PRKCZ: variants seen among roughly 807,000 people sequenced by gnomAD.
PRKCZ encodes protein kinase C zeta type.
A neutral mutation model predicts 79.5 loss-of-function variants in PRKCZ; 33 were observed. The observed-to-expected ratio is 0.41, with a 90% CI of 0.31 to 0.55. The LOEUF (loss-of-function observed/expected upper bound fraction) is 0.55. PRKCZ is among the 20% of genes least tolerant of loss of function. The probability of loss-of-function intolerance (pLI) is 0.19; values close to 1 mark genes in which losing one functional copy is unlikely to be tolerated. For missense variants in PRKCZ, 578 were observed against 813.5 expected, an observed-to-expected ratio of 0.71 and a Z score of 3.52; for synonymous variants, 342 against 320.9, an observed-to-expected ratio of 1.07 and a Z score of -0.70.
In PRKCZ at chr1:2,094,002, C is replaced by A. The variant is rs74382879; in HGVS notation, c.334+34411C>A. Among the ~76,000 whole-genome samples, 19 of 152,102 alleles carry A rather than the reference C, an allele frequency of 1.2e-4. No individual in the cohort carries two copies. Among genetic ancestry groups the A allele is most frequent in the African/African-American group, 4.6e-4 (19 of 41,454 alleles). ...CGGGTGGAGGAAGTGCTGCCTGACA[C>A]GTGTGTCTGCTCCCTGCGGCACGTC... On this transcript the variant is annotated intron_variant, in intron 4 of 17. Transcript: ENST00000378567. The surrounding 1 kb of genome is among the most constrained non-coding windows in gnomAD (Gnocchi z 7.3).
chr1:2,079,443 T>C (rs1214555842), intron 4 of PRKCZ, among the ~76,000 whole-genome samples: 1 of 152,232 alleles, frequency 6.6e-6, no homozygotes, highest in African/African-American at 2.4e-5. Flanking sequence ...GGGCTGGGCT[T>C]AAGCCCACGC....
rs189965077 is a variant in PRKCZ, at chr1:2,075,920, C to A, written c.334+16329C>A. 6.6e-6 allele frequency among the ~76,000 whole-genome samples: 1 copy of A among 152,232 alleles called. No individual in the cohort carries two copies. Among genetic ancestry groups the A allele is most frequent in the African/African-American group, 2.4e-5 (1 of 41,462 alleles). ...GTCTCATCTGCCACACGTTTCTGAT[C>A]GCCGAGGACTCAGCCGGGCACATGG... On this transcript the variant is annotated intron_variant, in intron 4 of 17. Transcript: ENST00000378567. This position sits in a 1 kb window ranked among gnomAD's most constrained non-coding sequence, Gnocchi z 4.8.
intron 4 of PRKCZ, among the ~76,000 whole-genome samples, chr1:2,087,297 G>A (rs563061805): frequency 6.6e-6 from 1 of 152,098 alleles, no homozygotes; most frequent in African/African-American, 2.4e-5. Flanking sequence ...TGGCCAGGCT[G>A]GTCTCGAACT....
chr1:2,072,796 G>A (rs1661722402), intron 4 of PRKCZ, among the ~76,000 whole-genome samples: 2 of 152,110 alleles, frequency 1.3e-5, no homozygotes, highest in African/African-American at 4.8e-5. Context: ...ATGAATGCAG[G>A]GAGCGTGTGG....
At chr1:2,133,252 C>T (rs929930957) in intron 4 of PRKCZ, among the ~76,000 whole-genome samples, 2 of 150,994 alleles carry the variant, frequency 1.3e-5, no homozygotes, top group Admixed American at 1.3e-4. Flanking sequence ...CCCAGCTGCG[C>T]GGCCGTCCCT....
intron 4 of PRKCZ, among the ~76,000 whole-genome samples, chr1:2,104,357 T>C (rs1668002471): frequency 6.6e-6 from 1 of 152,156 alleles, no homozygotes; most frequent in African/African-American, 2.4e-5. Flanking sequence ...GAGGGAAGGT[T>C]ACGGCTGGTG....
intron 3 of PRKCZ, among the ~76,000 whole-genome samples, chr1:2,059,221 G>T (rs1289087584): frequency 6.6e-6 from 1 of 152,240 alleles, no homozygotes; most frequent in Non-Finnish European, 1.5e-5. Flanking sequence ...TTAAAAGTCA[G>T]TGTTCAAAGT....
At chr1:2,153,079 G>A (rs1680222012) in intron 9 of PRKCZ, among the ~76,000 whole-genome samples, 2 of 152,210 alleles carry the variant, frequency 1.3e-5, no homozygotes, top group Admixed American at 1.3e-4. Flanking sequence ...CCACGCAGCC[G>A]CGCCGTTTCA....
chr1:2,171,398 C>T (rs1684408875), intron 11 of PRKCZ, among the ~76,000 whole-genome samples: 4 of 147,048 alleles, frequency 2.7e-5, no homozygotes, highest in Admixed American at 2.7e-4. Context: ...TGGAGTCTCG[C>T]TCTGTCACCC....
chr1:2,099,384 C>T (rs1027595295), intron 4 of PRKCZ, among the ~76,000 whole-genome samples: 3 of 152,208 alleles, frequency 2.0e-5, no homozygotes, highest in Admixed American at 6.5e-5. Context: ...AATCCGGAAC[C>T]GCCCCTTGCT....
rs1482428869 is a variant in PRKCZ, at chr1:2,118,501, C to T, written c.335-16761C>T. Among the ~76,000 whole-genome samples the T allele has an allele frequency of 3.3e-5, 5 of 151,828 alleles. No individual in the cohort carries two copies. The East Asian group carries it at 9.7e-4, about 29-fold the overall frequency. On this transcript the variant is annotated intron_variant, in intron 4 of 17. Transcript: ENST00000378567. ...TACAGGTGCCTGCCACCGCGCCTAG[C>T]TAATTTTTTATATTTTTAGTAGAGA...
intron 4 of PRKCZ, among the ~76,000 whole-genome samples, chr1:2,063,675 C>T (rs1012699293): frequency 6.6e-6 from 1 of 152,206 alleles, no homozygotes; most frequent in Non-Finnish European, 1.5e-5. Context: ...TTTCCACCCC[C>T]TGCAATAGTG....
At chr1:2,158,460 C>G (rs1681552573) in intron 10 of PRKCZ, among the ~76,000 whole-genome samples, 1 of 152,244 alleles carries the variant, frequency 6.6e-6, no homozygotes, top group Non-Finnish European at 1.5e-5. Context: ...GGCTCTGTCC[C>G]CTTTCCTTCT....
chr1:2,061,792 A>AG (rs893440170), intron 4 of PRKCZ, among the ~76,000 whole-genome samples: 1 of 152,148 alleles, frequency 6.6e-6, no homozygotes, highest in Non-Finnish European at 1.5e-5. Flanking sequence ...ACCAGGGCTT[A>AG]GGGGGCTGGC....
chr1:2,102,599 T>TG (rs1275708674), intron 4 of PRKCZ, among the ~76,000 whole-genome samples: 1 of 152,244 alleles, frequency 6.6e-6, no homozygotes, highest in African/African-American at 2.4e-5. Flanking sequence ...CCCAAAGTGC[T>TG]AGGATTACAG....
Position 2,177,603 on chromosome 1 carries a change from C to T in PRKCZ, c.1575+2290C>T, listed in dbSNP as rs920981912. The stretch of plus-strand genomic sequence containing the variant: ...GAGTCCAACCCTGCCCGAGCCGGAA[C>T]TCAAGGAGACCATGAAGCCACCCTT... On this transcript the variant is annotated intron_variant, in intron 16 of 17. Coordinates refer to ENST00000378567, the MANE Select transcript of PRKCZ (RefSeq NM_002744.6). The surrounding 1 kb of genome is among the most constrained non-coding windows in gnomAD (Gnocchi z 6.4). Among the ~76,000 whole-genome samples, 6 of 152,244 alleles carry T rather than the reference C, an allele frequency of 3.9e-5. No homozygotes were observed. In the East Asian group the frequency reaches 1.2e-3, roughly 29 times the overall value.
intron 4 of PRKCZ, among the ~76,000 whole-genome samples, chr1:2,131,639 G>A (rs577437741): frequency 6.6e-6 from 1 of 152,150 alleles, no homozygotes; most frequent in South Asian, 2.1e-4. Flanking sequence ...CGTGGTAATC[G>A]ATGGACACTG....
intron 4 of PRKCZ, chr1:2,111,759 C>T (rs1157313600): frequency 6.6e-6 from 1 of 152,338 alleles, no homozygotes; most frequent in African/African-American, 2.4e-5. Flanking sequence ...CACCCACATC[C>T]TGGCTCCACC....
chr1:2,070,321 G>C (rs1557490797), intron 4 of PRKCZ, among the ~76,000 whole-genome samples: 1 of 152,138 alleles, frequency 6.6e-6, no homozygotes. Flanking sequence ...TTGTCACTTA[G>C]GGTGGTCCCG....
Sources: allele counts gnomAD v4.1 joint callset (sites outside exome capture counted in the v4.1 genomes callset), GRCh38; gene constraint gnomAD v4.1.1; non-coding constraint Gnocchi (gnomAD v3.1); transcripts MANE v1.5; gene names NCBI Gene and HGNC (gene_info 2026-07-23, HGNC 2026-07-21).